The following GALNT18 variants were observed in gnomAD, a reference collection of about 807,000 sequenced individuals.
The protein encoded by GALNT18 is polypeptide N-acetylgalactosaminyltransferase 18.
GALNT18 carries 44 observed loss-of-function variants against 69.5 expected under a neutral mutation model. The observed-to-expected ratio is 0.63, with a 90% confidence interval of 0.50 to 0.81. GALNT18 has a LOEUF of 0.81. GALNT18 is among the 40% of genes least tolerant of loss of function. The pLI is 0.00. For missense variants in GALNT18, 715 were observed against 810.0 expected, an observed-to-expected ratio of 0.88 and a Z score of 1.42; for synonymous variants, 364 against 318.2, an observed-to-expected ratio of 1.14 and a Z score of -1.53.
intron 6 of GALNT18, among the ~76,000 whole-genome samples, chr11:11,371,212 A>C (rs1850896623): frequency 6.6e-6 from 1 of 152,214 alleles, no homozygotes; most frequent in Admixed American, 6.5e-5. Context: ...GGCCCCACAC[A>C]GTACCTGTCA....
At position 11,500,506 on chromosome 11, in the gene GALNT18, C is replaced by T. The variant is rs1182843431; in HGVS notation, c.236-51570G>A. Among the ~76,000 whole-genome samples, 6 of 152,128 alleles carry T rather than the reference C, an allele frequency of 3.9e-5. No individual in the cohort carries two copies. The highest frequency in any genetic ancestry group is 2.1e-4 in the South Asian group (1 of 4,820). ...CTGGAGATGTTTTTGGTTGTCACATCGTGGTGGGTGGATGGAGATGCGCCA... is the reference window on the plus strand; with the variant it reads ...CTGGAGATGTTTTTGGTTGTCACATTGTGGTGGGTGGATGGAGATGCGCCA... On this transcript the variant is annotated intron_variant, in intron 1 of 10. Coordinates refer to ENST00000227756, the MANE Select transcript of GALNT18 (RefSeq NM_198516.3). The surrounding 1 kb of genome is among the most constrained non-coding windows in gnomAD (Gnocchi z 5.0).
In GALNT18 at chr11:11,271,094, A is replaced by G. The variant is rs1478579550; in HGVS notation, c.*50T>C. 1 of 1,553,870 alleles carries G rather than the reference A, an allele frequency of 6.4e-7. No homozygotes were observed. The highest frequency in any genetic ancestry group is 1.2e-5 in the South Asian group (1 of 85,050). On this transcript the variant is annotated 3_prime_UTR_variant, in exon 11 of 11. Transcript: ENST00000227756. ...CCACGTGGACAGCAGGCAACGTTGC[A>G]GCAGGTGCTACACAGTAGCAAAGAG...
intron 6 of GALNT18, among the ~76,000 whole-genome samples, chr11:11,359,460 T>C (rs1850597317): frequency 1.1e-5 from 1 of 91,374 alleles, no homozygotes; most frequent in Non-Finnish European, 2.6e-5. Context: ...CTCTTCCTCC[T>C]CTTTGTCTCT....
rs1854831146 is a variant in GALNT18, at chr11:11,415,328, C to T, written c.595+17293G>A. 6.6e-6 allele frequency among the ~76,000 whole-genome samples: 1 copy of T among 152,110 alleles called. No individual in the cohort carries two copies. The highest frequency in any genetic ancestry group is 2.4e-5 in the African/African-American group (1 of 41,420). On this transcript the variant is annotated intron_variant, in intron 3 of 10. Coordinates refer to ENST00000227756, the MANE Select transcript of GALNT18 (RefSeq NM_198516.3). This position sits in a 1 kb window ranked among gnomAD's most constrained non-coding sequence, Gnocchi z 4.1. ...TGAATATACACCACTTCCCAGGAAT[C>T]AGGGCTGGGAAGGGTGGGGGATGAC...
At chr11:11,578,330 C>A (rs1041190720) in intron 1 of GALNT18, among the ~76,000 whole-genome samples, 28 of 120,584 alleles carry the variant, frequency 2.3e-4, no homozygotes, top group East Asian at 2.4e-4. Context: ...TAAAAAGAAC[C>A]AAAAAAAAAA....
At chr11:11,448,387 T>G (rs1212877320) in intron 2 of GALNT18, among the ~76,000 whole-genome samples, 1 of 152,226 alleles carries the variant, frequency 6.6e-6, no homozygotes, top group Admixed American at 6.5e-5. Context: ...AAGATAGATG[T>G]ACTTTAAAAA....
At position 11,448,904 on chromosome 11, in the gene GALNT18, C is replaced by T. The variant is rs146679883; in HGVS notation, c.268G>A (p.Glu90Lys). The change falls in exon 2 of 11, where the codon GAG (glutamate) becomes AAG (lysine). Residue 90 changes from glutamate to lysine, a missense_variant. Glu to Lys is a moderately conservative substitution (Grantham distance 56). Transcript: ENST00000227756. Reference sequence around the variant, plus strand: ...AACAGAGAGGAGTCTGTGAAGGGCTCGGCCTCTGCCTCCTCAGGCTTGGCA... The same window carrying T: ...AACAGAGAGGAGTCTGTGAAGGGCTTGGCCTCTGCCTCCTCAGGCTTGGCA... ...APAKPEEAEAEPFTDSSLFAH... is the reference protein window; with the variant it reads ...APAKPEEAEAKPFTDSSLFAH... 79 of 1,599,628 alleles carry T rather than the reference C, an allele frequency of 4.9e-5. No homozygotes were observed. Among genetic ancestry groups the T allele is most frequent in the South Asian group, 3.8e-4 (34 of 88,608 alleles).
At chr11:11,498,464 T>C (rs1208808565) in intron 1 of GALNT18, among the ~76,000 whole-genome samples, 1 of 152,226 alleles carries the variant, frequency 6.6e-6, no homozygotes, top group Non-Finnish European at 1.5e-5. Context: ...CAGTGGCTTC[T>C]GTAGAAGAGT....
intron 3 of GALNT18, among the ~76,000 whole-genome samples, chr11:11,411,405 G>A (rs113800812): frequency 3.3e-5 from 5 of 152,206 alleles, no homozygotes; most frequent in African/African-American, 9.7e-5. Flanking sequence ...TATAAGCCTT[G>A]AATTTCATGA....
chr11:11,607,967 C>A (rs1859794826), intron 1 of GALNT18, among the ~76,000 whole-genome samples: 2 of 152,186 alleles, frequency 1.3e-5, no homozygotes, highest in Admixed American at 1.3e-4. Flanking sequence ...TTTTACAAAA[C>A]AAATATTTCT....
intron 2 of GALNT18, among the ~76,000 whole-genome samples, chr11:11,434,581 G>C (rs778660231): frequency 4.6e-5 from 7 of 152,220 alleles, no homozygotes; most frequent in Non-Finnish European, 5.9e-5. Context: ...AGAAGGGGTG[G>C]TCAGGAAGGC....
chr11:11,458,022 G>A (rs537644465), intron 1 of GALNT18, among the ~76,000 whole-genome samples: 94 of 152,326 alleles, frequency 6.2e-4, no homozygotes, highest in African/African-American at 1.9e-3. Flanking sequence ...GAGACCCTGA[G>A]TCTGAAGTAC....
At chr11:11,462,525 T>C (rs1856069128) in intron 1 of GALNT18, among the ~76,000 whole-genome samples, 1 of 151,952 alleles carries the variant, frequency 6.6e-6, no homozygotes, top group Non-Finnish European at 1.5e-5. Context: ...ACTCTTAACC[T>C]CAAGTGATCC....
chr11:11,461,038 G>A lies in GALNT18; in HGVS notation c.236-12102C>T, dbSNP rs772712543. ...CTAGGTGGGCTAGGACTCAGGAAGG[G>A]TGGTGGGTCCCAGCAAAAGACCAGA... On this transcript the variant is annotated intron_variant, in intron 1 of 10. Transcript: ENST00000227756. The surrounding 1 kb of genome is among the most constrained non-coding windows in gnomAD (Gnocchi z 4.1). 6.6e-6 allele frequency among the ~76,000 whole-genome samples: 1 copy of A among 152,238 alleles called. No homozygotes were observed. The highest frequency in any genetic ancestry group is 1.5e-5 in the Non-Finnish European group (1 of 68,044).
At chr11:11,308,911 C>T (rs1346763434) in intron 9 of GALNT18, among the ~76,000 whole-genome samples, 1 of 151,984 alleles carries the variant, frequency 6.6e-6, no homozygotes, top group African/African-American at 2.4e-5. Context: ...ACCTAGACCC[C>T]AGCTCTTAGT....
chr11:11,381,728 AG>A (rs1853924061), intron 3 of GALNT18, among the ~76,000 whole-genome samples: 1 of 152,196 alleles, frequency 6.6e-6, no homozygotes, highest in Non-Finnish European at 1.5e-5. Flanking sequence ...GGCCCCAGAC[AG>A]GTGAGTGAGG....
Position 11,404,093 on chromosome 11 carries a change from A to G in GALNT18, c.596-24829T>C, listed in dbSNP as rs1854531588. On this transcript the variant is annotated intron_variant, in intron 3 of 10. Transcript: ENST00000227756. This position sits in a 1 kb window ranked among gnomAD's most constrained non-coding sequence, Gnocchi z 4.5. ...GCAAATGATGAGCGAATGCCCCGCCACTTGCTGGCAGCAGGAGGAGAGCAT... is the reference window on the plus strand; with the variant it reads ...GCAAATGATGAGCGAATGCCCCGCCGCTTGCTGGCAGCAGGAGGAGAGCAT... Among the ~76,000 whole-genome samples the G allele has an allele frequency of 1.3e-5, 2 of 152,210 alleles. No individual in the cohort carries two copies. The highest frequency in any genetic ancestry group is 1.5e-5 in the Non-Finnish European group (1 of 68,022).
At chr11:11,478,049 C>A (rs745513818) in intron 1 of GALNT18, among the ~76,000 whole-genome samples, 1 of 152,052 alleles carries the variant, frequency 6.6e-6, no homozygotes, top group African/African-American at 2.4e-5. Flanking sequence ...ATGCTCTCAG[C>A]AAAACAAATC....
chr11:11,335,866 C>A (rs4372447), intron 7 of GALNT18, among the ~76,000 whole-genome samples: 1 of 151,876 alleles, frequency 6.6e-6, no homozygotes, highest in South Asian at 2.1e-4. Context: ...ACTCTCCCCT[C>A]GAGATGCTGG....
Sources: allele counts gnomAD v4.1 joint callset (sites outside exome capture counted in the v4.1 genomes callset), GRCh38; gene constraint gnomAD v4.1.1; non-coding constraint Gnocchi (gnomAD v3.1); transcripts MANE v1.5; gene names NCBI Gene and HGNC (gene_info 2026-07-23, HGNC 2026-07-21).